The following TENM1 variants were observed in gnomAD, a reference collection of about 807,000 sequenced individuals.
TENM1 encodes teneurin transmembrane protein 1.
Under a neutral mutation model 174.8 loss-of-function variants are expected in TENM1, and 35 were observed. The ratio of observed to expected loss-of-function variants is 0.20; its 90% confidence interval spans 0.15 to 0.27. The LOEUF (loss-of-function observed/expected upper bound fraction) is 0.27, where lower values mean the gene tolerates loss of function less well. Ranked by LOEUF, TENM1 falls within the 10% of genes least tolerant of loss-of-function variation. TENM1 has a pLI of 1.00. For missense variants in TENM1, 1,633 were observed against 2,130.1 expected, an observed-to-expected ratio of 0.77 and a Z score of 4.59; for synonymous variants, 781 against 798.7, an observed-to-expected ratio of 0.98 and a Z score of 0.37.
intron 3 of TENM1, among the ~76,000 whole-genome samples, chrX:124,848,992 A>G (rs2056666040): frequency 9.0e-6 from 1 of 111,577 alleles, no homozygotes; most frequent in Non-Finnish European, 1.9e-5. Context: ...TTCTTGTTTT[A>G]CAAAAAGAAT....
chrX:125,106,567 G>A, the TENM1 span, among the ~76,000 whole-genome samples: 1 of 110,036 alleles, frequency 9.1e-6, no homozygotes, highest in Non-Finnish European at 1.9e-5. Context: ...CCGCCACCAC[G>A]CCCGGCTAAT....
At chrX:125,168,488 G>A in the TENM1 span, among the ~76,000 whole-genome samples, 1 of 111,309 alleles carries the variant, frequency 9.0e-6, no homozygotes, top group East Asian at 2.8e-4. Context: ...CCATGAGTGT[G>A]GGCAGAACTT....
intron 2 of TENM1, among the ~76,000 whole-genome samples, chrX:124,895,291 C>A (rs1430191387): frequency 3.6e-5 from 4 of 111,890 alleles, no homozygotes; most frequent in Non-Finnish European, 7.5e-5. Flanking sequence ...CAGTAATGTG[C>A]TTTTTATGAA....
intron 3 of TENM1, among the ~76,000 whole-genome samples, chrX:124,743,780 C>G (rs1214282541): frequency 9.0e-6 from 1 of 111,731 alleles, no homozygotes; most frequent in African/African-American, 3.3e-5. Flanking sequence ...TGAAGGTCAA[C>G]AATAAAGCAC....
intron 3 of TENM1, among the ~76,000 whole-genome samples, chrX:124,878,499 C>T (rs1455158007): frequency 1.8e-5 from 2 of 109,027 alleles, no homozygotes; most frequent in Admixed American, 9.8e-5. Context: ...GGTGCCCTCC[C>T]GGTGGTCATG....
chrX:125,093,890 T>C, the TENM1 span, among the ~76,000 whole-genome samples: 1 of 112,405 alleles, frequency 8.9e-6, no homozygotes. Flanking sequence ...TGTCCCTTCA[T>C]ATACAGTTAT....
intron 3 of TENM1, among the ~76,000 whole-genome samples, chrX:124,829,950 T>G (rs2056252565): frequency 8.9e-6 from 1 of 112,312 alleles, no homozygotes; most frequent in African/African-American, 3.2e-5. Context: ...TGGGAAAAAT[T>G]ATTCAGCCCC....
chrX:124,855,587 CT>C (rs1195309144), intron 3 of TENM1, among the ~76,000 whole-genome samples: 4 of 111,275 alleles, frequency 3.6e-5, no homozygotes, highest in African/African-American at 1.3e-4. Flanking sequence ...CACTTTCTTC[CT>C]TTTTAGGGTT....
At chrX:124,547,931 G>T (rs1447826120) in intron 14 of TENM1, among the ~76,000 whole-genome samples, 1 of 111,768 alleles carries the variant, frequency 8.9e-6, no homozygotes, top group East Asian at 2.8e-4. Flanking sequence ...CTGCCTCCCG[G>T]GTTCACGCCA....
intron 6 of TENM1, among the ~76,000 whole-genome samples, chrX:124,666,014 A>G (rs1280426200): frequency 6.3e-5 from 7 of 111,733 alleles, no homozygotes; most frequent in Non-Finnish European, 5.6e-5. Flanking sequence ...AGTAGTCACT[A>G]TTTGGTCTTG....
At chrX:125,108,746 GTGTATATATATATATACACAGA>G in the TENM1 span, among the ~76,000 whole-genome samples, 1 of 85,261 alleles carries the variant, frequency 1.2e-5, no homozygotes, top group African/African-American at 6.4e-5. Context: ...ACACACACAC[GTGTATATATATATATACACAGA>G]TGTGTATATA....
chrX:124,803,570 A>G (rs1473200972), intron 3 of TENM1, among the ~76,000 whole-genome samples: 2 of 111,911 alleles, frequency 1.8e-5, no homozygotes, highest in East Asian at 2.8e-4. Flanking sequence ...CTCTCATTTT[A>G]TACAACAGTA....
chrX:124,809,991 C>G (rs919338699), intron 3 of TENM1, among the ~76,000 whole-genome samples: 1 of 111,174 alleles, frequency 9.0e-6, no homozygotes, highest in African/African-American at 3.3e-5. Flanking sequence ...CACCAGACCA[C>G]TGCCCCAACA....
intron 4 of TENM1, among the ~76,000 whole-genome samples, chrX:124,731,769 T>C (rs1253238257): frequency 8.9e-6 from 1 of 111,989 alleles, no homozygotes; most frequent in Non-Finnish European, 1.9e-5. Flanking sequence ...GGTTATTAGA[T>C]TGGAAGATCG....
chrX:124,453,990 T>C (rs1020056102), intron 22 of TENM1, among the ~76,000 whole-genome samples: 33 of 111,807 alleles, frequency 3.0e-4, no homozygotes, highest in African/African-American at 1.0e-3. Context: ...GCTGAGTTTT[T>C]TTCTCCATAT....
intron 5 of TENM1, among the ~76,000 whole-genome samples, chrX:124,673,672 A>G (rs2051981356): frequency 9.0e-6 from 1 of 111,397 alleles, no homozygotes; most frequent in Non-Finnish European, 1.9e-5. Flanking sequence ...AGATTTCTTA[A>G]GGAGAAATTG....
intron 23 of TENM1, among the ~76,000 whole-genome samples, chrX:124,447,309 A>G (rs1037138355): frequency 6.3e-5 from 7 of 111,370 alleles, no homozygotes; most frequent in Admixed American, 9.5e-5. Context: ...TGTGCCACAC[A>G]CAGGCTTTCT....
At chrX:124,504,221 GT>G (rs1465055976) in intron 18 of TENM1, among the ~76,000 whole-genome samples, 1 of 112,146 alleles carries the variant, frequency 8.9e-6, no homozygotes, top group Non-Finnish European at 1.9e-5. Flanking sequence ...ATGTTTTCCT[GT>G]GCTAACTGGC....
chrX:124,909,558 T>C (rs955524368), intron 1 of TENM1, among the ~76,000 whole-genome samples: 7 of 112,005 alleles, frequency 6.2e-5, no homozygotes, highest in African/African-American at 2.3e-4. Flanking sequence ...TCTATATGAG[T>C]TTAATGCATT....
Sources: allele counts gnomAD v4.1 joint callset (sites outside exome capture counted in the v4.1 genomes callset), GRCh38; gene constraint gnomAD v4.1.1; transcripts MANE v1.5; gene names NCBI Gene and HGNC (gene_info 2026-07-23, HGNC 2026-07-21).